GRID2: variants seen among roughly 807,000 people sequenced by gnomAD.
The protein encoded by GRID2 is glutamate ionotropic receptor delta type subunit 2.
Under a neutral mutation model 114.8 loss-of-function variants are expected in GRID2, and 33 were observed. That is an observed-to-expected ratio of 0.29 (90% CI 0.22 to 0.38). The LOEUF (loss-of-function observed/expected upper bound fraction) is 0.38, where lower values mean the gene tolerates loss of function less well. Ranked by LOEUF, GRID2 falls within the 10% of genes least tolerant of loss-of-function variation. The pLI is 1.00. For missense variants in GRID2, 1,184 were observed against 1,257.7 expected (o/e 0.94, Z 0.89); for synonymous variants, 505 against 449.9 (o/e 1.12, Z -1.55).
In GRID2 at chr4:93,478,195, T is replaced by A. The variant is rs376133465; in HGVS notation, c.1859-12444T>A. Reference sequence around the variant, plus strand: ...AGTAAGAAACTGCCAAGTAATATGTTTTTGTGTAATAAAATTCAATTTAGT... The same window carrying A: ...AGTAAGAAACTGCCAAGTAATATGTATTTGTGTAATAAAATTCAATTTAGT... On this transcript the variant is annotated intron_variant, in intron 11 of 15. Transcript: ENST00000282020. Among the ~76,000 whole-genome samples the A allele has an allele frequency of 1.1e-4, 16 of 152,268 alleles. No homozygotes were observed. The Middle Eastern group carries it at 0.01, about 97-fold the overall frequency.
intron 1 of GRID2, among the ~76,000 whole-genome samples, chr4:92,518,033 T>C (rs142980711): frequency 5.1e-4 from 78 of 152,050 alleles, no homozygotes; most frequent in Admixed American, 3.7e-3. Context: ...TTATATCAAG[T>C]AGCTGAACAA....
Position 92,508,884 on chromosome 4 carries a change from G to A in GRID2, c.89-81247G>A, listed in dbSNP as rs1009647737. 4.6e-5 allele frequency among the ~76,000 whole-genome samples: 7 copies of A among 151,970 alleles called. 1 individual carries two copies. In the East Asian group the frequency reaches 1.4e-3, roughly 30 times the overall value. On this transcript the variant is annotated intron_variant, in intron 1 of 15. Transcript: ENST00000282020. ...TTGAAATAACTGTGGTTTGTACCAAGGTAGTTGCTGTAGAGGTGTTGAGCA... is the reference window on the plus strand; with the variant it reads ...TTGAAATAACTGTGGTTTGTACCAAAGTAGTTGCTGTAGAGGTGTTGAGCA...
intron 13 of GRID2, among the ~76,000 whole-genome samples, chr4:93,565,077 CTTAA>C (rs1735278187): frequency 2.0e-5 from 3 of 151,622 alleles, no homozygotes; most frequent in Non-Finnish European, 4.4e-5. Flanking sequence ...GTCAAATTAG[CTTAA>C]TTATAGAACT....
At chr4:92,686,133 G>A (rs1411245054) in intron 2 of GRID2, among the ~76,000 whole-genome samples, 2 of 151,968 alleles carry the variant, frequency 1.3e-5, no homozygotes, top group Non-Finnish European at 2.9e-5. Flanking sequence ...AAGATTAACA[G>A]TAAGATTAAC....
intron 2 of GRID2, among the ~76,000 whole-genome samples, chr4:92,759,865 G>A (rs965469720): frequency 6.6e-6 from 1 of 151,008 alleles, no homozygotes; most frequent in Non-Finnish European, 1.5e-5. Context: ...GACCTCAGGT[G>A]ATCACCTGCC....
intron 2 of GRID2, among the ~76,000 whole-genome samples, chr4:92,921,053 ATTC>A (rs1749281732): frequency 6.6e-6 from 1 of 151,886 alleles, no homozygotes; most frequent in South Asian, 2.1e-4. Context: ...ATTTCTTTTT[ATTC>A]TTTTTTTCTC....
chr4:93,511,390 A>G (rs2149486430), intron 12 of GRID2, among the ~76,000 whole-genome samples: 1 of 152,320 alleles, frequency 6.6e-6, no homozygotes, highest in Non-Finnish European at 1.5e-5. Flanking sequence ...ACAAATAACT[A>G]AATATAACTT....
intron 13 of GRID2, among the ~76,000 whole-genome samples, chr4:93,529,736 C>T (rs569218711): frequency 1.3e-5 from 2 of 152,164 alleles, no homozygotes; most frequent in South Asian, 2.1e-4. Flanking sequence ...GTCTTTGCTC[C>T]TTACATGCAA....
At chr4:92,664,856 T>C (rs1732692246) in intron 2 of GRID2, among the ~76,000 whole-genome samples, 1 of 151,162 alleles carries the variant, frequency 6.6e-6, no homozygotes, top group Admixed American at 6.6e-5. Flanking sequence ...CCTGATCTCT[T>C]TTGGTTACTA....
chr4:93,532,033 G>A (rs1731499842), intron 13 of GRID2, among the ~76,000 whole-genome samples: 1 of 152,084 alleles, frequency 6.6e-6, no homozygotes. Context: ...AAAGGAGTTT[G>A]AATCTGAAAT....
At chr4:92,622,053 TATA>T (rs988726491) in intron 2 of GRID2, among the ~76,000 whole-genome samples, 18 of 151,836 alleles carry the variant, frequency 1.2e-4, no homozygotes, top group African/African-American at 4.3e-4. Flanking sequence ...GTGGAGTGGT[TATA>T]ATAATCTCAG....
chr4:93,335,537 A>T (rs1758968185), intron 8 of GRID2, among the ~76,000 whole-genome samples: 2 of 152,218 alleles, frequency 1.3e-5, no homozygotes, highest in African/African-American at 2.4e-5. Context: ...AACCTAGCAT[A>T]AAAATACCAA....
At chr4:93,515,490 TTTTG>T in intron 13 of GRID2, 79 bp downstream of exon 13, 1 of 958,816 alleles carries the variant, frequency 1.0e-6, no homozygotes, top group Non-Finnish European at 1.6e-6. Context: ...GATTTGTTTT[TTTTG>T]TTTTGTTTTT....
At chr4:92,893,190 C>G (rs963348589) in intron 2 of GRID2, among the ~76,000 whole-genome samples, 1 of 151,960 alleles carries the variant, frequency 6.6e-6, no homozygotes, top group African/African-American at 2.4e-5. Context: ...TAGTGCCTAC[C>G]CTAGTGCTTA....
At chr4:92,758,264 T>C (rs966228769) in intron 2 of GRID2, among the ~76,000 whole-genome samples, 34 of 152,240 alleles carry the variant, frequency 2.2e-4, no homozygotes, top group African/African-American at 7.2e-4. Context: ...CAAAATGTGA[T>C]AAAATTGTCT....
chr4:92,661,664 A>T (rs1732525203), intron 2 of GRID2, among the ~76,000 whole-genome samples: 1 of 151,096 alleles, frequency 6.6e-6, no homozygotes, highest in African/African-American at 2.4e-5. Context: ...AATATTTTAA[A>T]TTTAATATCA....
chr4:92,670,147 A>G (rs1051411928), intron 2 of GRID2, among the ~76,000 whole-genome samples: 1 of 152,108 alleles, frequency 6.6e-6, no homozygotes, highest in African/African-American at 2.4e-5. Context: ...CACAGGAGAG[A>G]GTTGTAGTAG....
intron 13 of GRID2, among the ~76,000 whole-genome samples, chr4:93,534,083 A>T (rs1731777883): frequency 6.6e-6 from 1 of 151,834 alleles, no homozygotes; most frequent in South Asian, 2.1e-4. Flanking sequence ...TCCCCTAGGT[A>T]GCTTCGTGAC....
intron 2 of GRID2, among the ~76,000 whole-genome samples, chr4:92,736,209 A>G (rs775569920): frequency 6.6e-6 from 1 of 152,072 alleles, no homozygotes; most frequent in Non-Finnish European, 1.5e-5. Flanking sequence ...CTGAGAACAG[A>G]TTTTGGAGTG....
Sources: gnomAD v4.1 joint callset for allele counts (sites outside exome capture counted in the v4.1 genomes callset) on GRCh38, gnomAD v4.1.1 for gene constraint, MANE v1.5 for transcripts, NCBI Gene and HGNC (gene_info 2026-07-23, HGNC 2026-07-21) for gene names.